Variants in ADAMTS6 observed in about 807,000 individuals in gnomAD.
The protein encoded by ADAMTS6 is A disintegrin and metalloproteinase with thrombospondin motifs 6.
A neutral mutation model predicts 144.3 loss-of-function variants in ADAMTS6; 23 were observed. That is an observed-to-expected ratio of 0.16 (90% CI 0.11 to 0.23). The LOEUF (loss-of-function observed/expected upper bound fraction) is 0.23. ADAMTS6 is among the 10% of genes least tolerant of loss of function. The pLI is 1.00. For synonymous variants in ADAMTS6, 444 were observed against 457.5 expected, an observed-to-expected ratio of 0.97 and a Z score of 0.38; for missense variants, 999 against 1,379.6, an observed-to-expected ratio of 0.72 and a Z score of 4.37.
chr5:65,173,301 G>A (rs1006676710), intron 22 of ADAMTS6, among the ~76,000 whole-genome samples: 19 of 152,146 alleles, frequency 1.2e-4, no homozygotes, highest in African/African-American at 3.9e-4. Flanking sequence ...CCTTAGCCCC[G>A]TCAGCTGTGA....
In ADAMTS6 at chr5:65,327,286, C is replaced by T. The variant is rs150946583; in HGVS notation, c.1223+2092G>A. 4.5e-3 allele frequency among the ~76,000 whole-genome samples: 692 copies of T among 152,184 alleles called. 4 individuals are homozygous for T. The highest frequency in any genetic ancestry group is 0.015 in the African/African-American group (642 of 41,510). ...CTGTATGCCTGTGAGCCAAATAAAC[C>T]GCTTTTTAAAATGAGTTACTCAGAC... On this transcript the variant is annotated intron_variant, in intron 9 of 24. Coordinates refer to ENST00000381055, the MANE Select transcript of ADAMTS6 (RefSeq NM_197941.4).
At chr5:65,255,833 A>C (rs1428745073) in intron 14 of ADAMTS6, among the ~76,000 whole-genome samples, 2 of 152,066 alleles carry the variant, frequency 1.3e-5, no homozygotes, top group African/African-American at 2.4e-5. Flanking sequence ...GTCTCTCTAC[A>C]TTTATTTATG....
rs1407682662 is a variant in ADAMTS6 at position 65,473,771 on chromosome 5, C to T, written c.-98G>A. 1 of 945,388 alleles carries T rather than the reference C, an allele frequency of 1.1e-6. No homozygotes were observed. 58.6% of individuals were successfully genotyped at this position (945,388 alleles called of 1,614,324 possible). A position where few individuals can be genotyped will look rare whatever the true frequency, so the allele number is the denominator to read the frequency against. ...GCATAACAATTTTATTTCTTTAAAA[C>T]TTCTTGCAAATTAGTTATTGGATGT... On this transcript the variant is annotated 5_prime_UTR_variant, in exon 2 of 25. Coordinates refer to ENST00000381055, the MANE Select transcript of ADAMTS6 (RefSeq NM_197941.4).
intron 14 of ADAMTS6, among the ~76,000 whole-genome samples, chr5:65,249,657 T>C (rs908247506): frequency 6.6e-6 from 1 of 152,218 alleles, no homozygotes; most frequent in African/African-American, 2.4e-5. Context: ...AGGCAAGAAT[T>C]GAGGTTGCTG....
At position 65,171,797 on chromosome 5, in the gene ADAMTS6, A is replaced by G. The variant is rs183694924; in HGVS notation, c.3088-1024T>C. Reference sequence around the variant, plus strand: ...GAGAAGTAGTCTGTGTTCTCAAATGAGCGTGTCTCCCTCTCCTTTTGCATC... The same window carrying G: ...GAGAAGTAGTCTGTGTTCTCAAATGGGCGTGTCTCCCTCTCCTTTTGCATC... On this transcript the variant is annotated intron_variant, in intron 23 of 24. Transcript: ENST00000381055. Among the ~76,000 whole-genome samples, 7 of 152,180 alleles carry G rather than the reference A, an allele frequency of 4.6e-5. No individual in the cohort carries two copies. The East Asian group carries it at 1.2e-3, about 25-fold the overall frequency.
intron 3 of ADAMTS6, among the ~76,000 whole-genome samples, chr5:65,462,050 T>A (rs1035865172): frequency 5.9e-5 from 9 of 152,212 alleles, no homozygotes; most frequent in African/African-American, 2.2e-4. Context: ...AGTCACTTCA[T>A]ATAATTTTCA....
chr5:65,314,436 A>G (rs1744794436), intron 9 of ADAMTS6, among the ~76,000 whole-genome samples: 1 of 152,020 alleles, frequency 6.6e-6, no homozygotes, highest in African/African-American at 2.4e-5. Flanking sequence ...TGTAATTGAC[A>G]TACTAGAAGG....
intron 18 of ADAMTS6, among the ~76,000 whole-genome samples, chr5:65,223,965 AATTTTTCTGT>A (rs1185839398): frequency 6.6e-6 from 1 of 151,726 alleles, no homozygotes; most frequent in Non-Finnish European, 1.5e-5. Flanking sequence ...ACACCCAGCT[AATTTTTCTGT>A]ATTTTTATTA....
chr5:65,162,556 G>A (rs1752840364), intron 24 of ADAMTS6, among the ~76,000 whole-genome samples: 1 of 151,478 alleles, frequency 6.6e-6, no homozygotes, highest in Admixed American at 6.6e-5. Flanking sequence ...CTTCCCCTGT[G>A]CCTCACTTTC....
At chr5:65,208,711 T>C (rs1756289463) in intron 20 of ADAMTS6, among the ~76,000 whole-genome samples, 1 of 152,218 alleles carries the variant, frequency 6.6e-6, no homozygotes, top group South Asian at 2.1e-4. Flanking sequence ...GAAAATGTTT[T>C]AAACTTTACA....
At chr5:65,417,729 G>T (rs1168152945) in intron 7 of ADAMTS6, among the ~76,000 whole-genome samples, 2 of 151,772 alleles carry the variant, frequency 1.3e-5, no homozygotes, top group African/African-American at 4.8e-5. Flanking sequence ...ATAAATCATA[G>T]ATGACACAAA....
At chr5:65,279,915 T>C (rs568119112) in intron 11 of ADAMTS6, among the ~76,000 whole-genome samples, 1 of 152,366 alleles carries the variant, frequency 6.6e-6, no homozygotes, top group African/African-American at 2.4e-5. Context: ...TATTCAAGCT[T>C]ATCTTCAGTG....
At chr5:65,187,186 C>CA (rs1440106617) in intron 22 of ADAMTS6, among the ~76,000 whole-genome samples, 1 of 152,180 alleles carries the variant, frequency 6.6e-6, no homozygotes, top group Non-Finnish European at 1.5e-5. Context: ...ACACACACTA[C>CA]AGAAGGCTTC....
chr5:65,331,064 T>C (rs1012863243), intron 8 of ADAMTS6, among the ~76,000 whole-genome samples: 14 of 152,122 alleles, frequency 9.2e-5, no homozygotes, highest in Admixed American at 5.9e-4. Context: ...AATAGGAAAA[T>C]ACCTGAAATA....
At chr5:65,409,180 A>G (rs924511741) in intron 7 of ADAMTS6, among the ~76,000 whole-genome samples, 3 of 152,280 alleles carry the variant, frequency 2.0e-5, no homozygotes, top group Admixed American at 6.5e-5. Flanking sequence ...AGAGACATAA[A>G]AAACCCTTCA....
chr5:65,237,593 T>A (rs945433583), intron 15 of ADAMTS6, among the ~76,000 whole-genome samples: 1 of 152,128 alleles, frequency 6.6e-6, no homozygotes, highest in East Asian at 1.9e-4. Flanking sequence ...ATAAAGATTC[T>A]ATTTTGGGAA....
intron 14 of ADAMTS6, 111 bp from the exon 15 acceptor site, chr5:65,242,317 C>T (rs959614476): frequency 1.6e-6 from 1 of 635,664 alleles, no homozygotes; most frequent in African/African-American, 1.8e-5. Flanking sequence ...TATTCTGTGG[C>T]TATAATTCTG....
At chr5:65,396,694 A>T (rs893200700) in intron 7 of ADAMTS6, among the ~76,000 whole-genome samples, 1 of 152,224 alleles carries the variant, frequency 6.6e-6, no homozygotes, top group Non-Finnish European at 1.5e-5. Context: ...TGGCTAGGAC[A>T]TGGTCATGAT....
chr5:65,466,285 A>G (rs1759994121), intron 3 of ADAMTS6, among the ~76,000 whole-genome samples: 1 of 152,118 alleles, frequency 6.6e-6, no homozygotes, highest in Non-Finnish European at 1.5e-5. Flanking sequence ...TCTTGGCTAC[A>G]GCCACGTGAC....
Sources: gnomAD v4.1 joint callset for allele counts (sites outside exome capture counted in the v4.1 genomes callset) on GRCh38, gnomAD v4.1.1 for gene constraint, MANE v1.5 for transcripts, NCBI Gene and HGNC (gene_info 2026-07-23, HGNC 2026-07-21) for gene names.